PDE10A: variants seen among roughly 807,000 people sequenced by gnomAD.
PDE10A encodes the protein phosphodiesterase 10A.
A neutral mutation model predicts 97.7 loss-of-function variants in PDE10A; 39 were observed. The observed-to-expected ratio is 0.40, with a 90% CI of 0.31 to 0.52. The LOEUF (loss-of-function observed/expected upper bound fraction) is 0.52, where lower values mean the gene tolerates loss of function less well. Among genes scored for constraint, PDE10A ranks in the 20% least tolerant of loss-of-function variants. The pLI, the probability that PDE10A is intolerant of heterozygous loss-of-function variation, is 0.56. For synonymous variants in PDE10A, 371 were observed against 376.8 expected, an observed-to-expected ratio of 0.98 and a Z score of 0.18; for missense variants, 731 against 1,047.8, an observed-to-expected ratio of 0.70 and a Z score of 4.17.
intron 1 of PDE10A, among the ~76,000 whole-genome samples, chr6:165,959,320 T>G (rs1407943091): frequency 6.6e-6 from 1 of 151,996 alleles, no homozygotes; most frequent in Non-Finnish European, 1.5e-5. Context: ...AGGAGGCAAG[T>G]GAGGGAGGGC....
chr6:165,949,695 A>G (rs1455564266), intron 1 of PDE10A: 1 of 152,234 alleles, frequency 6.6e-6, no homozygotes, highest in Non-Finnish European at 1.5e-5. Context: ...TGCATTCATT[A>G]TGAGCTGCAG....
chr6:165,760,669 T>C (rs563603550), intron 1 of PDE10A, among the ~76,000 whole-genome samples: 2 of 152,366 alleles, frequency 1.3e-5, no homozygotes, highest in South Asian at 4.1e-4. Flanking sequence ...GGGCTAATGC[T>C]GGCTGAACTC....
intron 1 of PDE10A, among the ~76,000 whole-genome samples, chr6:165,654,747 T>C (rs1379403799): frequency 6.6e-6 from 1 of 152,162 alleles, no homozygotes; most frequent in East Asian, 1.9e-4. Context: ...TCAGGTATTA[T>C]CCATGCCACT....
At chr6:165,621,590 T>C (rs1047557718) in intron 1 of PDE10A, among the ~76,000 whole-genome samples, 1 of 152,028 alleles carries the variant, frequency 6.6e-6, no homozygotes, top group Non-Finnish European at 1.5e-5. Flanking sequence ...ACCCCATCTC[T>C]GCTAAGAATA....
intron 1 of PDE10A, among the ~76,000 whole-genome samples, chr6:165,757,529 T>A (rs1319135037): frequency 1.3e-5 from 2 of 152,178 alleles, no homozygotes; most frequent in Non-Finnish European, 2.9e-5. Context: ...CATTTAAATG[T>A]TTTATTCATT....
At chr6:165,420,242 A>G (rs915930115) in intron 10 of PDE10A, among the ~76,000 whole-genome samples, 1 of 152,178 alleles carries the variant, frequency 6.6e-6, no homozygotes, top group East Asian at 1.9e-4. Flanking sequence ...AGCCGCGTTC[A>G]TTCATTTCTT....
chr6:165,432,343 G>C (rs1309758206), intron 7 of PDE10A, among the ~76,000 whole-genome samples: 1 of 152,162 alleles, frequency 6.6e-6, no homozygotes, highest in Non-Finnish European at 1.5e-5. Context: ...GGCTGTGAGG[G>C]GGATAAGTGG....
In PDE10A at chr6:165,655,197, T is replaced by C. The variant is rs1437014619; in HGVS notation, c.865+6750A>G. ...TCAAAATGTCACTGAGGCATCTATATACTGTCCTTGGGGCATCCAATCCCA... is the reference window on the plus strand; with the variant it reads ...TCAAAATGTCACTGAGGCATCTATACACTGTCCTTGGGGCATCCAATCCCA... On this transcript the variant is annotated intron_variant, in intron 1 of 21. Transcript: ENST00000539869. This position sits in a 1 kb window ranked among gnomAD's most constrained non-coding sequence, Gnocchi z 4.5. 1.7e-4 allele frequency among the ~76,000 whole-genome samples: 2 copies of C among 11,754 alleles called. No homozygotes were observed. Among genetic ancestry groups the C allele is most frequent in the Non-Finnish European group, 3.1e-4 (2 of 6,550 alleles). The allele number at this position is 11,754 out of a possible 152,430, so 7.7% of individuals were successfully genotyped here.
intron 18 of PDE10A, among the ~76,000 whole-genome samples, chr6:165,347,502 A>G (rs905581468): frequency 3.9e-4 from 59 of 152,180 alleles, no homozygotes; most frequent in African/African-American, 1.3e-3. Flanking sequence ...ATTTTTCTCC[A>G]TTACAGAGAG....
rs1786244832 is a variant in PDE10A, at chr6:165,397,310, C to A, written c.2077-851G>T. ...GTCTAAAGTAAATTAATACTGAAAA[C>A]GTGGTGACAAGCTAGAGTAGCTTTT... On this transcript the variant is annotated intron_variant, in intron 13 of 21. Transcript: ENST00000539869. 1.3e-5 allele frequency among the ~76,000 whole-genome samples: 2 copies of A among 152,086 alleles called. 1 individual carries two copies. Among genetic ancestry groups the A allele is most frequent in the African/African-American group, 4.8e-5 (2 of 41,416 alleles).
intron 17 of PDE10A, among the ~76,000 whole-genome samples, chr6:165,384,627 A>T (rs1359120910): frequency 8.2e-5 from 5 of 60,650 alleles, no homozygotes; most frequent in African/African-American, 3.7e-4. Context: ...TGTATGTGTG[A>T]GTGAGTGTGT....
At chr6:165,698,133 A>G (rs1024403007) in intron 1 of PDE10A, among the ~76,000 whole-genome samples, 2 of 152,288 alleles carry the variant, frequency 1.3e-5, no homozygotes, top group Admixed American at 1.3e-4. Context: ...ATGTTTCCTG[A>G]ATTTTAAATG....
chr6:165,671,226 G>A lies in PDE10A; in HGVS notation c.-614-127658C>T, dbSNP rs114592149. ...TTTTGTAAATGTCATCTGGTGATAG[G>A]CTAGAGTGAAACCCTCTTCTGTTTT... On this transcript the variant is annotated intron_variant, in intron 1 of 19. Transcript: ENST00000366882. This position sits in a 1 kb window ranked among gnomAD's most constrained non-coding sequence, Gnocchi z 4.6. 6.4e-3 allele frequency among the ~76,000 whole-genome samples: 979 copies of A among 152,118 alleles called. 11 individuals carry two copies. Among genetic ancestry groups the A allele is most frequent in the African/African-American group, 0.022 (928 of 41,496 alleles).
intron 1 of PDE10A, among the ~76,000 whole-genome samples, chr6:165,724,051 A>G (rs1427409678): frequency 6.6e-6 from 1 of 152,204 alleles, no homozygotes. Flanking sequence ...CAATCCATCA[A>G]AATTAAGACA....
At chr6:165,335,030 C>T (rs749544299) in intron 21 of PDE10A, among the ~76,000 whole-genome samples, 1 of 152,216 alleles carries the variant, frequency 6.6e-6, no homozygotes, top group Non-Finnish European at 1.5e-5. Flanking sequence ...GTAGTTAAAA[C>T]ATGGCCCGGA....
chr6:165,936,769 A>G (rs550585578), intron 1 of PDE10A, among the ~76,000 whole-genome samples: 2 of 152,284 alleles, frequency 1.3e-5, no homozygotes, highest in Admixed American at 6.5e-5. Context: ...TTGATGGAGA[A>G]TGAGTAGAGA....
At chr6:165,335,503 T>C (rs1014668365) in intron 21 of PDE10A, among the ~76,000 whole-genome samples, 1 of 152,138 alleles carries the variant, frequency 6.6e-6, no homozygotes, top group Non-Finnish European at 1.5e-5. Context: ...GTGTACTACA[T>C]AGGGACATAC....
chr6:165,401,239 T>C (rs913151634), intron 13 of PDE10A, among the ~76,000 whole-genome samples: 1 of 152,198 alleles, frequency 6.6e-6, no homozygotes, highest in Non-Finnish European at 1.5e-5. Flanking sequence ...ATAATTTGTA[T>C]ACATGACATA....
At chr6:165,690,820 T>G (rs372776451) in intron 1 of PDE10A, among the ~76,000 whole-genome samples, 24 of 152,210 alleles carry the variant, frequency 1.6e-4, no homozygotes, top group African/African-American at 5.8e-4. Flanking sequence ...TGCCCAGATA[T>G]TTCATCAAAC....
Sources: allele counts gnomAD v4.1 joint callset (sites outside exome capture counted in the v4.1 genomes callset), GRCh38; gene constraint gnomAD v4.1.1; non-coding constraint Gnocchi (gnomAD v3.1); transcripts MANE v1.5; gene names NCBI Gene and HGNC (gene_info 2026-07-23, HGNC 2026-07-21).